Variants in ZNF628 observed in about 807,000 individuals in gnomAD.
The protein encoded by ZNF628 is zinc finger protein Zec.
ZNF628 carries 3 observed loss-of-function variants against 2.5 expected under a neutral mutation model. The observed-to-expected ratio is 1.19, with a 90% CI of 0.54 to 3.07. The LOEUF (loss-of-function observed/expected upper bound fraction) is 3.07, where lower values mean the gene tolerates loss of function less well. Ranked by LOEUF, ZNF628 falls within the 30% of genes most tolerant of loss-of-function variation. The pLI is 0.03. For synonymous variants in ZNF628, 861 were observed against 717.1 expected (o/e 1.20, Z -3.21); for missense variants, 1,610 against 1,517.1 (o/e 1.06, Z -1.02).
chr19:55,476,635 C>G lies in ZNF628; in HGVS notation c.-250C>G, dbSNP rs1184257825. 1 of 152,124 alleles carries G rather than the reference C, an allele frequency of 6.6e-6. No individual in the cohort carries two copies. Among genetic ancestry groups the G allele is most frequent in the African/African-American group, 2.4e-5 (1 of 41,434 alleles). The allele number at this position is 152,124 out of a possible 1,614,324, so 9.4% of individuals were successfully genotyped here. A position where few individuals can be genotyped will look rare whatever the true frequency, so the allele number is the denominator to read the frequency against. On this transcript the variant is annotated 5_prime_UTR_variant, in exon 1 of 3. Coordinates refer to ENST00000598519, the MANE Select transcript of ZNF628 (RefSeq NM_033113.3). ...CGTCGGGGTTTGTGTGCGCGAGAGG[C>G]CGCCGATAAAGGTTGGGTGCCTCGC... is the stretch of plus-strand genomic sequence containing the variant.
chr19:55,482,499 G>GGCC lies in ZNF628; in HGVS notation c.1306_1307insGCC (p.Ala436delinsGlyPro). 6.9e-7 allele frequency: 1 copy of GGCC among 1,448,264 alleles called. No homozygotes were observed. The allele number at this position is 1,448,264 out of a possible 1,614,324, so 89.7% of individuals were successfully genotyped here. On this transcript the variant is annotated protein_altering_variant, in exon 3 of 3. Coordinates refer to ENST00000598519, the MANE Select transcript of ZNF628 (RefSeq NM_033113.3). Reference sequence around the variant, plus strand: ...CTGCCCCCAGGAACCGCTGGCGCCTGCCGCCCCCGTCCCGCCGCCACCCCC... The same window carrying GGCC: ...CTGCCCCCAGGAACCGCTGGCGCCTGGCCCCGCCCCCGTCCCGCCGCCACCCCC...
chr19:55,483,037 C>T lies in ZNF628; in HGVS notation c.1844C>T (p.Thr615Met), dbSNP rs1986780003. The T allele has an allele frequency of 1.9e-6, 3 of 1,611,744 alleles. No individual in the cohort carries two copies. Among genetic ancestry groups the T allele is most frequent in the Non-Finnish European group, 2.5e-6 (3 of 1,179,492 alleles). ...HSSNLLLHQR[T>M]HSAERPFTCP... ...TCCAACCTGCTGCTGCACCAGCGCA[C>T]GCACTCGGCGGAGCGCCCCTTCACC... is the stretch of plus-strand genomic sequence containing the variant. Residue 615 changes from threonine to methionine, a missense_variant, in exon 3 of 3, where the codon ACG (threonine) becomes ATG (methionine). Thr to Met is a moderately conservative substitution (Grantham distance 81). Transcript: ENST00000598519.
chr19:55,479,013 G>C lies in ZNF628; in HGVS notation c.-77-821G>C, dbSNP rs1181500568. Among the ~76,000 whole-genome samples the C allele has an allele frequency of 2.0e-5, 3 of 152,208 alleles. No individual in the cohort carries two copies. The highest frequency in any genetic ancestry group is 4.4e-5 in the Non-Finnish European group (3 of 68,036). On this transcript the variant is annotated intron_variant, in intron 1 of 2. Transcript: ENST00000598519. The surrounding 1 kb of genome is among the most constrained non-coding windows in gnomAD (Gnocchi z 5.1). ...GCATTCAGAGGGTAGGTCTTATAGA[G>C]CTGGAGGCCTGGAGTCATTGTTCAT...
At position 55,483,460 on chromosome 19, in the gene ZNF628, G is replaced by A; in HGVS notation, c.2267G>A (p.Arg756His). 3 of 1,515,400 alleles carry A rather than the reference G, an allele frequency of 2.0e-6. No homozygotes were observed. Among genetic ancestry groups the A allele is most frequent in the Non-Finnish European group, 8.8e-7 (1 of 1,134,674 alleles). The allele number at this position is 1,515,400 out of a possible 1,614,324, so 93.9% of individuals were successfully genotyped here. A position where few individuals can be genotyped will look rare whatever the true frequency, so the allele number is the denominator to read the frequency against. ...TCCAGTGCTGGGGCTGGGGGCGGCC[G>A]TGCAAGGCAGGGCCCGCGGGCAGTG... is the stretch of plus-strand genomic sequence containing the variant. ...PSSSAGAGGG[R>H]ARQGPRAVGK... Residue 756 changes from arginine (R) to histidine (H), a missense_variant, in exon 3 of 3, where the codon CGT becomes CAT. Around this residue, in one of 5 missense-constraint regions of ZNF628, gnomAD observed 712 missense variants for 603.6 expected, o/e 1.18. Transcript: ENST00000598519.
chr19:55,483,934 C>A lies in ZNF628; in HGVS notation c.2741C>A (p.Ala914Asp). 1 of 1,575,014 alleles carries A rather than the reference C, an allele frequency of 6.3e-7. No individual in the cohort carries two copies. Among genetic ancestry groups the A allele is most frequent in the East Asian group, 2.3e-5 (1 of 43,696 alleles). ...PGPGEAGDGE[A>D]STGVVQDVLF... ...CCCGGGGAGGCGGGGGATGGCGAGGCCAGCACTGGTGTGGTCCAGGATGTC... is the reference window on the plus strand; with the variant it reads ...CCCGGGGAGGCGGGGGATGGCGAGGACAGCACTGGTGTGGTCCAGGATGTC... Residue 914 changes from alanine to aspartate, a missense_variant, in exon 3 of 3, where the codon GCC becomes GAC. Transcript: ENST00000598519.
rs1026533502 is a variant in ZNF628 at position 55,482,366 on chromosome 19, C to T, written c.1173C>T (p.Cys391=). 1 of 1,435,108 alleles carries T rather than the reference C, an allele frequency of 7.0e-7. No homozygotes were observed. Among genetic ancestry groups the T allele is most frequent in the Non-Finnish European group, 9.1e-7 (1 of 1,098,086 alleles). The allele number at this position is 1,435,108 out of a possible 1,614,324, so 88.9% of individuals were successfully genotyped here. A position where few individuals can be genotyped will look rare whatever the true frequency, so the allele number is the denominator to read the frequency against. The change falls in exon 3 of 3, where the codon TGC becomes TGT. Residue 391 remains cysteine, a synonymous_variant. Transcript: ENST00000598519. ...AGGQAFRCGS[C]DGSFPQLASL... Reference sequence around the variant, plus strand: ...GGCAAGCGTTCCGCTGCGGCAGCTGCGACGGCTCCTTCCCGCAGCTGGCCA... The same window carrying T: ...GGCAAGCGTTCCGCTGCGGCAGCTGTGACGGCTCCTTCCCGCAGCTGGCCA...
intron 2 of ZNF628, 42 bp from the exon 3 acceptor site, chr19:55,481,159 C>A: frequency 6.8e-7 from 1 of 1,468,954 alleles, no homozygotes; most frequent in Non-Finnish European, 9.0e-7. Context: ...TTGAGATGAT[C>A]CAGTGCGGGG....
Position 55,482,202 on chromosome 19 carries a change from C to A in ZNF628, c.1009C>A (p.Gln337Lys). The change falls in exon 3 of 3, where the codon CAG (glutamine) becomes AAG (lysine). Residue 337 changes from glutamine (Q) to lysine (K), a missense_variant. By Grantham distance (53) the Gln-to-Lys change is moderately conservative. This residue lies in a region of ZNF628 where 651 missense variants were observed against 575.6 expected (regional missense o/e 1.13). Coordinates refer to ENST00000598519, the MANE Select transcript of ZNF628 (RefSeq NM_033113.3). ...ACCCGCCGAGGCGCCCAAGGCCGAC[C>A]AGCCACCGTCCCCTCTGCCGCAGCC... The part of the protein sequence containing the change: ...EAPAEAPKAD[Q>K]PPSPLPQPPP... 6.7e-7 allele frequency: 1 copy of A among 1,487,020 alleles called. No homozygotes were observed. The highest frequency in any genetic ancestry group is 8.9e-7 in the Non-Finnish European group (1 of 1,124,448). 92.1% of individuals were successfully genotyped at this position (1,487,020 alleles called of 1,614,324 possible). A position where few individuals can be genotyped will look rare whatever the true frequency, so the allele number is the denominator to read the frequency against.
Position 55,481,949 on chromosome 19 carries a change from C to T in ZNF628, c.756C>T (p.Cys252=). The change falls in exon 3 of 3, where the codon TGC becomes TGT. Residue 252 remains cysteine (C), a synonymous_variant. Coordinates refer to ENST00000598519, the MANE Select transcript of ZNF628 (RefSeq NM_033113.3). ...QSREPGKVFV[C]DAYLQRHLQP... ...GGGAGCCCGGCAAGGTCTTCGTGTG[C>T]GACGCCTACCTGCAGCGGCACCTCC... is the stretch of plus-strand genomic sequence containing the variant. 6.8e-7 allele frequency: 1 copy of T among 1,469,434 alleles called. No individual in the cohort carries two copies. The highest frequency in any genetic ancestry group is 8.9e-7 in the Non-Finnish European group (1 of 1,117,416). 91.0% of individuals were successfully genotyped at this position (1,469,434 alleles called of 1,614,324 possible).
Position 55,483,238 on chromosome 19 carries a change from C to T in ZNF628, c.2045C>T (p.Pro682Leu), listed in dbSNP as rs1369604665. The change falls in exon 3 of 3, where the codon CCC (proline) becomes CTC (leucine). Residue 682 changes from proline (P) to leucine (L), a missense_variant. Pro to Leu is a moderately conservative substitution (Grantham distance 98). Around this residue, in one of 5 missense-constraint regions of ZNF628, gnomAD observed 712 missense variants for 603.6 expected, o/e 1.18. Coordinates refer to ENST00000598519, the MANE Select transcript of ZNF628 (RefSeq NM_033113.3). ...PPATQDVHVLPHLQATLSLEV... is the reference protein window; with the variant it reads ...PPATQDVHVLLHLQATLSLEV... ...GCCACCCAAGATGTCCACGTCCTGC[C>T]CCACCTCCAGGCCACGCTCTCCCTC... The T allele has an allele frequency of 6.5e-7, 1 of 1,536,950 alleles. No individual in the cohort carries two copies. The highest frequency in any genetic ancestry group is 8.7e-7 in the Non-Finnish European group (1 of 1,146,980).
intron 1 of ZNF628, among the ~76,000 whole-genome samples, chr19:55,478,281 T>G (rs1986611981): frequency 6.6e-6 from 1 of 151,566 alleles, no homozygotes; most frequent in African/African-American, 2.4e-5. Context: ...GAAAAGGGAA[T>G]GGGGAGTTGG....
rs1297044013 is a variant in ZNF628, at chr19:55,479,587, A to G, written c.-77-247A>G. On this transcript the variant is annotated intron_variant, in intron 1 of 2. Transcript: ENST00000598519. This position sits in a 1 kb window ranked among gnomAD's most constrained non-coding sequence, Gnocchi z 5.1. ...GGTTTCTGGACCTCGCACTGCTGAC[A>G]TTGTGGATGGGATTGTTCTCCGCTG... 1.3e-5 allele frequency among the ~76,000 whole-genome samples: 2 copies of G among 152,112 alleles called. No individual in the cohort carries two copies. The highest frequency in any genetic ancestry group is 2.9e-5 in the Non-Finnish European group (2 of 68,020).
In ZNF628 at chr19:55,482,289, C is replaced by G. The variant is rs1401970817; in HGVS notation, c.1096C>G (p.Arg366Gly). 13 of 1,472,052 alleles carry G rather than the reference C, an allele frequency of 8.8e-6. No homozygotes were observed. The highest frequency in any genetic ancestry group is 1.2e-5 in the Non-Finnish European group (13 of 1,117,960). 91.2% of individuals were successfully genotyped at this position (1,472,052 alleles called of 1,614,324 possible). A position where few individuals can be genotyped will look rare whatever the true frequency, so the allele number is the denominator to read the frequency against. The part of the protein sequence containing the change: ...FACLPCGKSF[R>G]TVAGLSRHQH... ...CTGTCTGCCCTGCGGCAAGTCCTTC[C>G]GGACGGTGGCTGGGCTCTCCCGCCA... Residue 366 changes from arginine to glycine, a missense_variant, in exon 3 of 3, where the codon CGG (arginine) becomes GGG (glycine). By Grantham distance (125) the Arg-to-Gly change is moderately radical. Around this residue, in one of 5 missense-constraint regions of ZNF628, gnomAD observed 651 missense variants for 575.6 expected, o/e 1.13. Transcript: ENST00000598519.
chr19:55,482,629 A>T lies in ZNF628; in HGVS notation c.1436A>T (p.Glu479Val). 1 of 1,609,514 alleles carries T rather than the reference A, an allele frequency of 6.2e-7. No homozygotes were observed. Among genetic ancestry groups the T allele is most frequent in the East Asian group, 2.2e-5 (1 of 44,818 alleles). ...LRYHLRDHTG[E>V]RPYQCGECGK... is the part of the protein sequence containing the mutation. The stretch of plus-strand genomic sequence containing the variant: ...TACCACCTGCGGGACCACACGGGCG[A>T]GCGGCCCTACCAGTGTGGCGAGTGC... The change falls in exon 3 of 3, where the codon GAG becomes GTG. Residue 479 changes from glutamate (E) to valine (V), a missense_variant. Glu to Val is a moderately radical substitution (Grantham distance 121, BLOSUM62 -2). Transcript: ENST00000598519.
At chr19:55,478,741 G>A (rs1986624343) in intron 1 of ZNF628, among the ~76,000 whole-genome samples, 1 of 152,194 alleles carries the variant, frequency 6.6e-6, no homozygotes, top group African/African-American at 2.4e-5. Flanking sequence ...GGAGGCCTGT[G>A]AGAAGTGGCC....
rs1442280013 is a variant in ZNF628, at chr19:55,481,342, G to A, written c.149G>A (p.Arg50Gln). 3 of 1,612,238 alleles carry A rather than the reference G, an allele frequency of 1.9e-6. No individual in the cohort carries two copies. The highest frequency in any genetic ancestry group is 2.2e-5 in the East Asian group (1 of 44,838). ...GGCAAGTCATTCCGGTGGTCGTCCC[G>A]GCTCCTGCACCACCAGCGCACGCAC... ...ECGKSFRWSSRLLHHQRTHTG... is the reference protein window; with the variant it reads ...ECGKSFRWSSQLLHHQRTHTG... The change falls in exon 3 of 3, where the codon CGG (arginine) becomes CAG (glutamine). Residue 50 changes from arginine to glutamine, a missense_variant. Transcript: ENST00000598519.
At chr19:55,478,612 C>T (rs1210998089) in intron 1 of ZNF628, among the ~76,000 whole-genome samples, 3 of 152,190 alleles carry the variant, frequency 2.0e-5, no homozygotes, top group African/African-American at 7.2e-5. Context: ...TTGACGGGTT[C>T]GCTTCAGTTG....
At chr19:55,481,104 G>A (rs1382781580) in intron 2 of ZNF628, 97 bp from the exon 3 acceptor site, 1 of 1,418,336 alleles carries the variant, frequency 7.1e-7, no homozygotes, top group East Asian at 2.5e-5. Context: ...GGTGACCTGG[G>A]GAGGTAGTCC....
intron 1 of ZNF628, among the ~76,000 whole-genome samples, chr19:55,477,172 C>T (rs1330992452): frequency 6.6e-6 from 1 of 152,158 alleles, no homozygotes; most frequent in Non-Finnish European, 1.5e-5. Flanking sequence ...GGAGATGGGG[C>T]TCCAGTGGCA....
Sources: allele counts gnomAD v4.1 joint callset (sites outside exome capture counted in the v4.1 genomes callset), GRCh38; gene constraint gnomAD v4.1.1; regional missense constraint gnomAD v4.1.1; non-coding constraint Gnocchi (gnomAD v3.1); transcripts MANE v1.5; gene names NCBI Gene and HGNC (gene_info 2026-07-23, HGNC 2026-07-21).